DGKB: variants seen among roughly 807,000 people sequenced by gnomAD.
DGKB encodes the protein diacylglycerol kinase beta.
In DGKB, 67 loss-of-function variants were observed where a neutral mutation model predicts 114.3. That is an observed-to-expected ratio of 0.59 (90% CI 0.48 to 0.72). DGKB has a LOEUF of 0.72. DGKB is among the 30% of genes least tolerant of loss of function. DGKB has a pLI of 0.00. For missense variants in DGKB, 907 were observed against 975.2 expected (o/e 0.93, Z 0.93); for synonymous variants, 398 against 323.1 (o/e 1.23, Z -2.49).
intron 20 of DGKB, among the ~76,000 whole-genome samples, chr7:14,557,787 GGTTT>G (rs1796084219): frequency 6.6e-6 from 1 of 151,228 alleles, no homozygotes; most frequent in Non-Finnish European, 1.5e-5. Context: ...GGTGTTACTT[GGTTT>G]ATTTTTATTT....
intron 1 of DGKB, among the ~76,000 whole-genome samples, chr7:14,949,227 A>C (rs1282030560): frequency 6.6e-6 from 1 of 152,052 alleles, no homozygotes; most frequent in Middle Eastern, 3.4e-3. Flanking sequence ...AAATTACATA[A>C]GCAATAAGAT....
intron 25 of DGKB, among the ~76,000 whole-genome samples, chr7:14,154,485 T>C (rs1782687370): frequency 6.6e-6 from 1 of 152,038 alleles, no homozygotes; most frequent in Non-Finnish European, 1.5e-5. Flanking sequence ...GCTTTTCATA[T>C]AGTGTCTCAC....
Position 14,545,716 on chromosome 7 carries a change from C to G in DGKB, c.1770+28496G>C, listed in dbSNP as rs74674808. ...TCTGCTGGGCAATGCCCACTCTTCC[C>G]TTTCTGGGAACGTTTATTTTTGTTA... On this transcript the variant is annotated intron_variant, in intron 20 of 25. Coordinates refer to ENST00000402815, the MANE Select transcript of DGKB (RefSeq NM_001350709.2). Among the ~76,000 whole-genome samples the G allele has an allele frequency of 1.9e-3, 294 of 152,322 alleles. 1 individual carries two copies. Among genetic ancestry groups the G allele is most frequent in the Non-Finnish European group, 3.3e-3 (224 of 68,026 alleles).
At chr7:14,962,347 C>T (rs1295449116) in intron 1 of DGKB, among the ~76,000 whole-genome samples, 1 of 152,096 alleles carries the variant, frequency 6.6e-6, no homozygotes, top group Admixed American at 6.6e-5. Flanking sequence ...ACCTTTCCTA[C>T]TGTAGTGATT....
At chr7:14,691,596 C>G (rs1361140384) in intron 9 of DGKB, among the ~76,000 whole-genome samples, 4 of 152,060 alleles carry the variant, frequency 2.6e-5, no homozygotes, top group African/African-American at 9.7e-5. Flanking sequence ...CTCTTTCTAA[C>G]AAATAGATGC....
chr7:14,231,910 T>C (rs1313322260), intron 23 of DGKB, among the ~76,000 whole-genome samples: 1 of 151,986 alleles, frequency 6.6e-6, no homozygotes, highest in East Asian at 1.9e-4. Context: ...AGTAATCAAG[T>C]CTTCTATGTA....
chr7:14,766,288 T>C (rs1189015539), intron 2 of DGKB, among the ~76,000 whole-genome samples: 1 of 151,940 alleles, frequency 6.6e-6, no homozygotes, highest in African/African-American at 2.4e-5. Flanking sequence ...TAATACATTA[T>C]TAAGACAATC....
intron 21 of DGKB, among the ~76,000 whole-genome samples, chr7:14,407,449 C>G (rs1451113484): frequency 6.6e-6 from 1 of 151,926 alleles, no homozygotes; most frequent in Non-Finnish European, 1.5e-5. Context: ...AACTTTGCTC[C>G]AGGATTTCAG....
chr7:14,850,245 A>G (rs1849168686), intron 1 of DGKB, among the ~76,000 whole-genome samples: 1 of 152,206 alleles, frequency 6.6e-6, no homozygotes, highest in Non-Finnish European at 1.5e-5. Context: ...TGAGTACAGG[A>G]AGTGAAGACT....
At chr7:14,344,126 A>G (rs1812089162) in intron 22 of DGKB, among the ~76,000 whole-genome samples, 2 of 150,842 alleles carry the variant, frequency 1.3e-5, no homozygotes, top group Non-Finnish European at 3.0e-5. Context: ...TATCATACAT[A>G]TACACAGATA....
intron 20 of DGKB, among the ~76,000 whole-genome samples, chr7:14,520,694 G>T (rs1024198859): frequency 2.0e-5 from 3 of 151,892 alleles, no homozygotes; most frequent in Non-Finnish European, 2.9e-5. Context: ...CACCTAGTAT[G>T]ATGTCAGTCT....
intron 23 of DGKB, among the ~76,000 whole-genome samples, chr7:14,266,581 G>C (rs1321907859): frequency 6.6e-6 from 1 of 152,190 alleles, no homozygotes; most frequent in East Asian, 1.9e-4. Context: ...AGAGGCATCT[G>C]TGTTTTTGAC....
intron 1 of DGKB, among the ~76,000 whole-genome samples, chr7:14,887,388 T>C (rs1291064331): frequency 1.3e-5 from 2 of 151,830 alleles, no homozygotes; most frequent in Non-Finnish European, 2.9e-5. Context: ...TCTTAATTAC[T>C]CTGCAGATTT....
chr7:14,372,008 C>T (rs570245014), intron 21 of DGKB, among the ~76,000 whole-genome samples: 50 of 152,270 alleles, frequency 3.3e-4, no homozygotes, highest in African/African-American at 1.2e-3. Context: ...AAATGGCCTC[C>T]TGCTCTTGGT....
chr7:14,724,822 A>G (rs2128368873), intron 5 of DGKB, among the ~76,000 whole-genome samples: 1 of 152,076 alleles, frequency 6.6e-6, no homozygotes, highest in African/African-American at 2.4e-5. Flanking sequence ...CAAACTTTGG[A>G]CTCTTTTTAA....
intron 2 of DGKB, among the ~76,000 whole-genome samples, chr7:14,833,402 GT>G: frequency 7.8e-6 from 1 of 128,104 alleles, no homozygotes; most frequent in South Asian, 2.6e-4. Context: ...ATTTATGTTT[GT>G]TTTTATGTTT....
At chr7:14,961,410 T>C (rs141898292) in intron 1 of DGKB, among the ~76,000 whole-genome samples, 2 of 152,282 alleles carry the variant, frequency 1.3e-5, no homozygotes, top group Non-Finnish European at 2.9e-5. Context: ...AAGGGTTCTG[T>C]CTCAATGAAT....
intron 17 of DGKB, among the ~76,000 whole-genome samples, chr7:14,595,950 G>C (rs1802506471): frequency 6.6e-6 from 1 of 152,104 alleles, no homozygotes; most frequent in Non-Finnish European, 1.5e-5. Context: ...TCATAGCCAA[G>C]CTGTAAGACT....
At chr7:14,550,676 A>G (rs1309386006) in intron 20 of DGKB, among the ~76,000 whole-genome samples, 1 of 152,130 alleles carries the variant, frequency 6.6e-6, no homozygotes, top group Non-Finnish European at 1.5e-5. Flanking sequence ...ATAACTTGTC[A>G]ATTTCTCAAA....
Sources: gnomAD v4.1 joint callset for allele counts (sites outside exome capture counted in the v4.1 genomes callset) on GRCh38, gnomAD v4.1.1 for gene constraint, MANE v1.5 for transcripts, NCBI Gene and HGNC (gene_info 2026-07-23, HGNC 2026-07-21) for gene names.